The following ATP5F1B variants were observed in gnomAD, a reference collection of about 807,000 sequenced individuals.
ATP5F1B encodes ATP synthase F(1) complex subunit beta, mitochondrial.
In ATP5F1B, 17 loss-of-function variants were observed where a neutral mutation model predicts 45.9. The observed-to-expected ratio is 0.37, with a 90% CI of 0.25 to 0.56. ATP5F1B has a LOEUF of 0.56. ATP5F1B is among the 20% of genes least tolerant of loss of function. ATP5F1B has a pLI of 0.80. For missense variants in ATP5F1B, 387 were observed against 673.2 expected (o/e 0.57, Z 4.70); for synonymous variants, 218 against 256.5 (o/e 0.85, Z 1.43).
rs1683228217 is a variant in ATP5F1B, at chr12:56,643,427, G to A, written c.768C>T (p.Ile256=). The change falls in exon 5 of 10, where the codon ATC becomes ATT. Residue 256 remains isoleucine (I), a synonymous_variant. Transcript: ENST00000262030. ...LYHEMIESGV[I]NLKDATSKVA... ...CCTTAGAGGTGGCATCTTTTAAGTT[G>A]ATAACACCAGATTCAATCATTTCAT... is the stretch of plus-strand genomic sequence containing the variant. 2 of 1,613,992 alleles carry A rather than the reference G, an allele frequency of 1.2e-6. No individual in the cohort carries two copies. The highest frequency in any genetic ancestry group is 1.7e-6 in the Non-Finnish European group (2 of 1,180,026).
chr12:56,645,795 G>A (rs757603602), intron 1 of ATP5F1B, 42 bp downstream of exon 1: 1 of 1,596,634 alleles, frequency 6.3e-7, no homozygotes, highest in Admixed American at 1.8e-5. Context: ...AAGGTCATGG[G>A]GCGGCAAAAT....
chr12:56,640,636 G>C (rs577455554), intron 7 of ATP5F1B, among the ~76,000 whole-genome samples: 194 of 152,266 alleles, frequency 1.3e-3, no homozygotes, highest in African/African-American at 4.5e-3. Flanking sequence ...AATACCTGCT[G>C]AATAAGCTGA....
At chr12:56,642,961 CT>C in intron 5 of ATP5F1B, 130 bp from the exon 6 acceptor site, 2 of 1,017,050 alleles carry the variant, frequency 2.0e-6, no homozygotes, top group Non-Finnish European at 1.4e-6. Context: ...GTGCAAGTTT[CT>C]TTTCCCTATT....
At chr12:56,641,328 A>C (rs935857721) in intron 7 of ATP5F1B, among the ~76,000 whole-genome samples, 13 of 150,368 alleles carry the variant, frequency 8.6e-5, no homozygotes, top group Non-Finnish European at 1.8e-4. Flanking sequence ...CACCCATTGC[A>C]CTCCAGCCTG....
intron 1 of ATP5F1B, among the ~76,000 whole-genome samples, chr12:56,645,601 C>T (rs1378824657): frequency 2.6e-5 from 4 of 152,174 alleles, no homozygotes; most frequent in Admixed American, 6.5e-5. Context: ...AAGGTCAACG[C>T]ACCTGCCCGC....
chr12:56,644,005 C>T (rs1174436059), intron 3 of ATP5F1B, 47 bp from the exon 4 acceptor site: 2 of 1,598,064 alleles, frequency 1.3e-6, no homozygotes, highest in African/African-American at 2.7e-5. Context: ...TTGTTGAAAG[C>T]AAATGATAAT....
chr12:56,639,888 C>T (rs1348572413), intron 8 of ATP5F1B, 92 bp downstream of exon 8: 5 of 1,383,830 alleles, frequency 3.6e-6, no homozygotes, highest in Non-Finnish European at 4.0e-6. Flanking sequence ...TGCTCCAAAA[C>T]AAATCACTAA....
In ATP5F1B at chr12:56,640,055, G is replaced by A. The variant is rs1951500206; in HGVS notation, c.1212C>T (p.Thr404=). 1 of 1,613,956 alleles carries A rather than the reference G, an allele frequency of 6.2e-7. No homozygotes were observed. Among genetic ancestry groups the A allele is most frequent in the African/African-American group, 1.3e-5 (1 of 74,976 alleles). The change falls in exon 8 of 10, where the codon ACC becomes ACT. Residue 404 remains threonine, a synonymous_variant. Transcript: ENST00000262030. Reference sequence around the variant, plus strand: ...CAATGTTGGGATCCATGATACGAGAGGTGGAGTCTAGAGGATCCACAGCTG... The same window carrying A: ...CAATGTTGGGATCCATGATACGAGAAGTGGAGTCTAGAGGATCCACAGCTG... ...IYPAVDPLDS[T]SRIMDPNIVG...
At chr12:56,641,092 C>A (rs1214101191) in intron 7 of ATP5F1B, among the ~76,000 whole-genome samples, 2 of 151,682 alleles carry the variant, frequency 1.3e-5, no homozygotes, top group Non-Finnish European at 2.9e-5. Context: ...AGGCTGGGCA[C>A]AGTGGCTCAA....
At chr12:56,639,423 C>T in intron 8 of ATP5F1B, 116 bp from the exon 9 acceptor site, 1 of 920,340 alleles carries the variant, frequency 1.1e-6, no homozygotes, top group Non-Finnish European at 1.7e-6. Context: ...TGAGGGCCCT[C>T]AGCCAAGAAA....
In ATP5F1B at chr12:56,642,451, TTC is replaced by T; in HGVS notation, c.1074+5_1074+6del. The T allele has an allele frequency of 6.2e-7, 1 of 1,613,602 alleles. No individual in the cohort carries two copies. Among genetic ancestry groups the T allele is most frequent in the Non-Finnish European group, 8.5e-7 (1 of 1,179,986 alleles). On this transcript the variant is annotated splice_donor_5th_base_variant and intron_variant, in intron 7 of 9. Coordinates refer to ENST00000262030, the MANE Select transcript of ATP5F1B (RefSeq NM_001686.4). ...AATCAGATCTTCATCTATGTAATTT[TTC>T]TTACCTGTACAGAGGTGATAGATCC...
intron 2 of ATP5F1B, 56 bp downstream of exon 2, chr12:56,645,115 T>C: frequency 6.2e-7 from 1 of 1,610,830 alleles, no homozygotes; most frequent in South Asian, 1.1e-5. Context: ...ACAGCTTGGT[T>C]TTGGGGATAT....
rs1415496404 is a variant in ATP5F1B, at chr12:56,642,453, C to A, written c.1074+5G>T. 1.2e-6 allele frequency: 2 copies of A among 1,613,586 alleles called. No individual in the cohort carries two copies. The highest frequency in any genetic ancestry group is 1.7e-5 in the Admixed American group (1 of 60,002). The stretch of plus-strand genomic sequence containing the variant: ...TCAGATCTTCATCTATGTAATTTTT[C>A]TTACCTGTACAGAGGTGATAGATCC... On this transcript the variant is annotated splice_donor_5th_base_variant and intron_variant, in intron 7 of 9. Coordinates refer to ENST00000262030, the MANE Select transcript of ATP5F1B (RefSeq NM_001686.4).
chr12:56,640,604 A>G (rs9634246), intron 7 of ATP5F1B, among the ~76,000 whole-genome samples: 32,098 of 152,100 alleles, frequency 0.21, 3,866 homozygotes, highest in Middle Eastern at 0.3. Context: ...TTAGCACTCA[A>G]AAGACCCTTC....
chr12:56,640,571 C>A (rs1951504432), intron 7 of ATP5F1B, among the ~76,000 whole-genome samples: 1 of 152,054 alleles, frequency 6.6e-6, no homozygotes, highest in African/African-American at 2.4e-5. Flanking sequence ...TCTGACCTAT[C>A]TTTATCATCT....
At chr12:56,642,217 T>C (rs183947830) in intron 7 of ATP5F1B, among the ~76,000 whole-genome samples, 2 of 152,020 alleles carry the variant, frequency 1.3e-5, no homozygotes, top group East Asian at 3.9e-4. Flanking sequence ...GGGTGGTGTC[T>C]TAACTCCTGA....
rs1951521579 is a variant in ATP5F1B at position 56,642,695 on chromosome 12, C to G, written c.929G>C (p.Arg310Pro). Residue 310 changes from arginine to proline, a missense_variant, in exon 6 of 10, where the codon CGC (arginine) becomes CCC (proline). By Grantham distance (103) the Arg-to-Pro change is moderately radical. This residue lies in a region of ATP5F1B where 154 missense variants were observed against 361.4 expected (regional missense o/e 0.43). Transcript: ENST00000262030. The stretch of plus-strand genomic sequence containing the variant: ...TACCTCTGAACCAGCCTGGGTGAAG[C>G]GAAAGATGTTATCAATAAATAGCAG... ...DVLLFIDNIFRFTQAGSEVSA... is the reference protein window; with the variant it reads ...DVLLFIDNIFPFTQAGSEVSA... 6.2e-7 allele frequency: 1 copy of G among 1,614,046 alleles called. No homozygotes were observed. The highest frequency in any genetic ancestry group is 1.7e-5 in the Admixed American group (1 of 59,994).
Position 56,639,098 on chromosome 12 carries a change from A to G in ATP5F1B, c.1489+8T>C, listed in dbSNP as rs776260481. On this transcript the variant is annotated splice_region_variant and intron_variant, in intron 9 of 9. Transcript: ENST00000262030. ...GTAAACATTCAAGATTTGTACTCAAAATCTCACCTGCCAAAATCTGCTGGA... is the reference window on the plus strand; with the variant it reads ...GTAAACATTCAAGATTTGTACTCAAGATCTCACCTGCCAAAATCTGCTGGA... The G allele has an allele frequency of 6.2e-7, 1 of 1,613,974 alleles. No individual in the cohort carries two copies. Among genetic ancestry groups the G allele is most frequent in the Non-Finnish European group, 8.5e-7 (1 of 1,179,900 alleles).
intron 1 of ATP5F1B, 61 bp from the exon 2 acceptor site, chr12:56,645,414 C>A: frequency 6.6e-7 from 1 of 1,520,632 alleles, no homozygotes. Flanking sequence ...CATCGGAAGC[C>A]AGGACTTAAC....
Sources: gnomAD v4.1 joint callset for allele counts (sites outside exome capture counted in the v4.1 genomes callset) on GRCh38, gnomAD v4.1.1 for gene constraint, gnomAD v4.1.1 regional missense constraint, MANE v1.5 for transcripts, NCBI Gene and HGNC (gene_info 2026-07-23, HGNC 2026-07-21) for gene names.